The following NAV2 variants were observed in gnomAD, a reference collection of about 807,000 sequenced individuals.
NAV2 encodes the protein helicase, APC down-regulated 1.
Under a neutral mutation model 223.2 loss-of-function variants are expected in NAV2, and 54 were observed. The ratio of observed to expected loss-of-function variants is 0.24; its 90% confidence interval spans 0.19 to 0.30. The LOEUF is 0.30. NAV2 is among the 10% of genes least tolerant of loss of function. The probability of loss-of-function intolerance (pLI) is 1.00; values close to 1 mark genes in which losing one functional copy is unlikely to be tolerated. For missense variants in NAV2, 2,806 were observed against 3,147.5 expected (o/e 0.89, Z 2.60); for synonymous variants, 1,279 against 1,239.3 (o/e 1.03, Z -0.67).
intron 1 of NAV2, among the ~76,000 whole-genome samples, chr11:19,820,482 A>G (rs1188010280): frequency 6.6e-6 from 1 of 152,220 alleles, no homozygotes; most frequent in Non-Finnish European, 1.5e-5. Context: ...TGCTGTAGAA[A>G]GGGACTCAAT....
chr11:19,603,570 T>A (rs1212301341), intron 1 of NAV2, among the ~76,000 whole-genome samples: 3 of 139,054 alleles, frequency 2.2e-5, no homozygotes, highest in Admixed American at 1.6e-4. Flanking sequence ...GAGGTTGCAG[T>A]GAGCCAAGAT....
rs546728044 is a variant in NAV2 at position 19,996,754 on chromosome 11, G to A, written c.2768+12507G>A. On this transcript the variant is annotated intron_variant, in intron 11 of 37. Coordinates refer to ENST00000349880, the MANE Select transcript of NAV2 (RefSeq NM_145117.5). ...TTTCAGCTGCAGTCCTGTTATTTTC[G>A]CTCGTCCACTGTGCTCTTTGATTTA... is the stretch of plus-strand genomic sequence containing the variant. 1.0e-3 allele frequency among the ~76,000 whole-genome samples: 154 copies of A among 152,214 alleles called. 1 individual carries two copies. The highest frequency in any genetic ancestry group is 3.6e-3 in the African/African-American group (148 of 41,546).
Position 19,602,173 on chromosome 11 carries a change from C to CTTTTT in NAV2, c.76-230293_76-230289dup, listed in dbSNP as rs1204696986. On this transcript the variant is annotated intron_variant, in intron 1 of 37. Transcript: ENST00000360655. ...AGGCAAGGAGTGCATCTCTACAAGTCTTTTTTTTTTTTTTTTTTTTTTGAG... is the reference window on the plus strand; with the variant it reads ...AGGCAAGGAGTGCATCTCTACAAGTCTTTTTTTTTTTTTTTTTTTTTTTTTTTGAG... 2.9e-3 allele frequency among the ~76,000 whole-genome samples: 333 copies of CTTTTT among 116,244 alleles called. 1 individual carries two copies. Among genetic ancestry groups the CTTTTT allele is most frequent in the African/African-American group, 0.011 (308 of 28,650 alleles). The allele number at this position is 116,244 out of a possible 152,430, so 76.3% of individuals were successfully genotyped here. A position where few individuals can be genotyped will look rare whatever the true frequency, so the allele number is the denominator to read the frequency against.
chr11:19,501,008 C>A (rs561964414), intron 1 of NAV2, among the ~76,000 whole-genome samples: 1 of 152,164 alleles, frequency 6.6e-6, no homozygotes, highest in Non-Finnish European at 1.5e-5. Flanking sequence ...TCTGGGTGCT[C>A]TGGGGGCAAA....
At chr11:19,707,638 G>C (rs1350415880) in intron 1 of NAV2, among the ~76,000 whole-genome samples, 1 of 152,130 alleles carries the variant, frequency 6.6e-6, no homozygotes, top group African/African-American at 2.4e-5. Context: ...AGTAGAAAGA[G>C]TACAGTCTAA....
intron 1 of NAV2, among the ~76,000 whole-genome samples, chr11:19,400,441 G>C (rs139237833): frequency 6.6e-6 from 1 of 152,094 alleles, no homozygotes; most frequent in Non-Finnish European, 1.5e-5. Flanking sequence ...GAGTCACATC[G>C]GTCCCTCTTA....
chr11:19,704,937 G>A (rs1461444940), intron 1 of NAV2, among the ~76,000 whole-genome samples: 1 of 151,006 alleles, frequency 6.6e-6, no homozygotes, highest in African/African-American at 2.4e-5. Flanking sequence ...CGTGAACCCG[G>A]GAGGCGGAGC....
chr11:19,345,689 C>T, the NAV2 span, among the ~76,000 whole-genome samples: 1 of 152,240 alleles, frequency 6.6e-6, no homozygotes, highest in African/African-American at 2.4e-5. This position sits in a 1 kb window ranked among gnomAD's most constrained non-coding sequence, Gnocchi z 5.2. Context: ...GCTGGGCGCC[C>T]GGCGCAGTGC....
At chr11:19,859,780 C>T (rs1452079169) in intron 3 of NAV2, among the ~76,000 whole-genome samples, 2 of 148,314 alleles carry the variant, frequency 1.3e-5, no homozygotes, top group South Asian at 2.1e-4. Context: ...CTGACCCCCC[C>T]ACCTCCCTCC....
chr11:19,752,143 C>G (rs2053875346), intron 1 of NAV2, among the ~76,000 whole-genome samples: 1 of 152,126 alleles, frequency 6.6e-6, no homozygotes, highest in East Asian at 1.9e-4. Context: ...AATTACATCC[C>G]CATCTTGGAA....
At chr11:19,465,331 C>T (rs945133901) in intron 1 of NAV2, among the ~76,000 whole-genome samples, 10 of 152,208 alleles carry the variant, frequency 6.6e-5, no homozygotes, top group African/African-American at 2.4e-4. Flanking sequence ...GTTATCATTT[C>T]CATTCCAAGA....
intron 1 of NAV2, among the ~76,000 whole-genome samples, chr11:19,618,630 G>A (rs1387434824): frequency 6.6e-6 from 1 of 152,194 alleles, no homozygotes; most frequent in Admixed American, 6.5e-5. Context: ...CCTGTGCTAA[G>A]CTGTGGTGGT....
chr11:19,756,591 G>A (rs894400349), intron 1 of NAV2, among the ~76,000 whole-genome samples: 3 of 152,176 alleles, frequency 2.0e-5, no homozygotes, highest in Admixed American at 6.5e-5. Context: ...GCTTTATTAA[G>A]GAATTAAACA....
intron 1 of NAV2, among the ~76,000 whole-genome samples, chr11:19,716,562 C>T (rs1006364584): frequency 2.0e-5 from 3 of 152,120 alleles, no homozygotes; most frequent in Non-Finnish European, 4.4e-5. Flanking sequence ...TCTCTCAAGC[C>T]CCTGGAAAGG....
intron 1 of NAV2, among the ~76,000 whole-genome samples, chr11:19,722,711 C>T (rs1183662481): frequency 6.6e-6 from 1 of 152,148 alleles, no homozygotes; most frequent in African/African-American, 2.4e-5. Flanking sequence ...CATTGGAAAA[C>T]AGTAGTAAAT....
chr11:19,932,964 G>A (rs1038391105), intron 6 of NAV2, among the ~76,000 whole-genome samples: 1 of 152,192 alleles, frequency 6.6e-6, no homozygotes, highest in African/African-American at 2.4e-5. Context: ...AAATGTGATG[G>A]GGTTGGGGGG....
intron 1 of NAV2, among the ~76,000 whole-genome samples, chr11:19,610,726 GTGGATGGATGGA>G (rs550994245): frequency 4.6e-5 from 7 of 151,772 alleles, no homozygotes; most frequent in African/African-American, 1.2e-4. Flanking sequence ...GGATGGATAA[GTGGATGGATGGA>G]TGGATGGATG....
intron 3 of NAV2, among the ~76,000 whole-genome samples, chr11:19,863,790 T>G (rs1185443227): frequency 6.6e-6 from 1 of 152,236 alleles, no homozygotes; most frequent in Non-Finnish European, 1.5e-5. Context: ...TTTCCCTGCG[T>G]TCGACTGTAG....
intron 10 of NAV2, among the ~76,000 whole-genome samples, chr11:19,962,544 C>T (rs1324310325): frequency 6.6e-6 from 1 of 152,176 alleles, no homozygotes; most frequent in African/African-American, 2.4e-5. Context: ...GGGCTCAAAG[C>T]TAACGCACCC....
Sources: allele counts gnomAD v4.1 joint callset (sites outside exome capture counted in the v4.1 genomes callset), GRCh38; gene constraint gnomAD v4.1.1; non-coding constraint Gnocchi (gnomAD v3.1); transcripts MANE v1.5; gene names NCBI Gene and HGNC (gene_info 2026-07-23, HGNC 2026-07-21).